CLK4: variants seen among roughly 807,000 people sequenced by gnomAD.
CLK4 encodes dual specificity protein kinase CLK4.
In CLK4, 37 loss-of-function variants were observed where a neutral mutation model predicts 64.4. That is an observed-to-expected ratio of 0.57 (90% CI 0.44 to 0.76). The LOEUF (loss-of-function observed/expected upper bound fraction) is 0.76. CLK4 is among the 30% of genes least tolerant of loss of function. The probability of loss-of-function intolerance (pLI) is 0.00; values close to 1 mark genes in which losing one functional copy is unlikely to be tolerated. For missense variants in CLK4, 457 were observed against 605.1 expected (o/e 0.76, Z 2.57); for synonymous variants, 175 against 191.6 (o/e 0.91, Z 0.72).
intron 8 of CLK4, 90 bp from the exon 9 acceptor site, chr5:178,612,635 T>C (rs1249955845): frequency 2.2e-6 from 3 of 1,379,410 alleles, no homozygotes; most frequent in East Asian, 2.3e-5. Context: ...ATCTTCTTGA[T>C]TGTCAAAGTA....
chr5:178,621,539 C>A (rs1170053193), intron 2 of CLK4, among the ~76,000 whole-genome samples: 1 of 152,082 alleles, frequency 6.6e-6, no homozygotes, highest in Non-Finnish European at 1.5e-5. Flanking sequence ...AATAAATAGG[C>A]TAAGAATAAA....
chr5:178,603,898 C>T lies in CLK4; in HGVS notation c.1251G>A (p.Trp417Ter). 1 of 1,610,160 alleles carries T rather than the reference C, an allele frequency of 6.2e-7. No homozygotes were observed. Among genetic ancestry groups the T allele is most frequent in the South Asian group, 1.1e-5 (1 of 89,946 alleles). Residue 417 changes from tryptophan to a stop codon, truncating the protein, a stop_gained, in exon 12 of 13, where the codon TGG (tryptophan) becomes TGA (stop). Coordinates refer to ENST00000316308, the MANE Select transcript of CLK4 (RefSeq NM_020666.3). LOFTEE classifies it high-confidence loss of function. Reference protein sequence around the residue: ...RKYFHHNQLDWDEHSSAGRYV... With the variant: ...RKYFHHNQLD ...ATCTACCAGCAGAACTGTGTTCATC[C>T]CAATCTAGCTGGTTATGGTGAAAAT... is the stretch of plus-strand genomic sequence containing the variant.
Position 178,623,344 on chromosome 5 carries a change from C to G in CLK4, c.73G>C (p.Gly25Arg). 6.2e-7 allele frequency: 1 copy of G among 1,614,046 alleles called. No individual in the cohort carries two copies. Among genetic ancestry groups the G allele is most frequent in the South Asian group, 1.1e-5 (1 of 91,072 alleles). ...RESWGHESYR[G>R]SHKRKRRSHS... is the part of the protein sequence containing the mutation. ...GATCTCCTCTTCCGCTTGTGACTTCCACGATAGCTTTCATGTCCCCAGCTT... is the reference window on the plus strand; with the variant it reads ...GATCTCCTCTTCCGCTTGTGACTTCGACGATAGCTTTCATGTCCCCAGCTT... Residue 25 changes from glycine to arginine, a missense_variant, in exon 2 of 13, where the codon GGA (glycine) becomes CGA (arginine). Gly to Arg is a moderately radical substitution (Grantham distance 125, BLOSUM62 -2). Coordinates refer to ENST00000316308, the MANE Select transcript of CLK4 (RefSeq NM_020666.3).
intron 5 of CLK4, 138 bp from the exon 6 acceptor site, chr5:178,613,981 C>T (rs1258052178): frequency 1.5e-5 from 9 of 592,078 alleles, no homozygotes; most frequent in African/African-American, 1.3e-4. Flanking sequence ...ATAGCAGATT[C>T]CATATAACAT....
chr5:178,625,422 C>CAAAAAA (rs58734641), intron 1 of CLK4, among the ~76,000 whole-genome samples: 15 of 121,516 alleles, frequency 1.2e-4, no homozygotes, highest in South Asian at 2.7e-4. Context: ...GACCCTGTCT[C>CAAAAAA]AAAAAAAAAA....
Position 178,616,518 on chromosome 5 carries a change from G to A in CLK4, c.542+364C>T, listed in dbSNP as rs377302955. On this transcript the variant is annotated intron_variant, in intron 5 of 12. Transcript: ENST00000316308. ...ATTTAAAATATATTCCATCTTGGCC[G>A]GGCACAGGGGCTCAGGCTTGTAATC... Among the ~76,000 whole-genome samples the A allele has an allele frequency of 2.4e-3, 361 of 152,200 alleles. 1 individual carries two copies. Among genetic ancestry groups the A allele is most frequent in the African/African-American group, 7.7e-3 (319 of 41,524 alleles).
chr5:178,613,375 C>A (rs903185413), intron 7 of CLK4, 98 bp downstream of exon 7: 1 of 804,096 alleles, frequency 1.2e-6, no homozygotes. Context: ...GACCCGAGAG[C>A]GCCACTGCAC....
rs761792500 is a variant in CLK4, at chr5:178,616,887, A to G, written c.537T>C (p.His179=). ...AAAGGAAAAAACAAACTTACATGCCATGATCAATGCACTCTACAACTTTGC... is the reference window on the plus strand; with the variant it reads ...AAAGGAAAAAACAAACTTACATGCCGTGATCAATGCACTCTACAACTTTGC... ...AFGKVVECID[H]GMDGMHVAVK... is the part of the protein sequence containing the mutation. The change falls in exon 5 of 13, where the codon CAT becomes CAC. Residue 179 remains histidine, a synonymous_variant. Transcript: ENST00000316308. 36 of 1,611,842 alleles carry G rather than the reference A, an allele frequency of 2.2e-5. No homozygotes were observed. The East Asian group carries it at 6.7e-4, about 30-fold the overall frequency.
chr5:178,622,143 A>G (rs1038155401), intron 2 of CLK4: 1 of 152,194 alleles, frequency 6.6e-6, no homozygotes, highest in African/African-American at 2.4e-5. Context: ...TAATTATCCT[A>G]TGAATAACCA....
intron 1 of CLK4, among the ~76,000 whole-genome samples, chr5:178,624,364 C>A (rs558522462): frequency 1.8e-4 from 27 of 152,298 alleles, no homozygotes; most frequent in African/African-American, 6.5e-4. Context: ...CCAACAAGTT[C>A]ATTTTCTTAT....
In CLK4 at chr5:178,622,439, T is replaced by TAAAC; in HGVS notation, c.161+813_161+816dup. 3 of 986,648 alleles carry TAAAC rather than the reference T, an allele frequency of 3.0e-6. No homozygotes were observed. The South Asian group carries it at 1.4e-4, about 46-fold the overall frequency. 61.1% of individuals were successfully genotyped at this position (986,648 alleles called of 1,614,324 possible). The stretch of plus-strand genomic sequence containing the variant: ...CTGGCTAATTTAGAAAGCAATCTGG[T>TAAAC]AAACAGTCCCAATGGAACATCTGCA... On this transcript the variant is annotated intron_variant, in intron 2 of 12. Transcript: ENST00000316308.
At chr5:178,620,425 T>C (rs1197372954) in intron 2 of CLK4, 1 of 260,398 alleles carries the variant, frequency 3.8e-6, no homozygotes, top group Admixed American at 4.8e-5. Context: ...AAACATGGAG[T>C]GAACACCATG....
At chr5:178,612,921 TCA>T (rs1361074412) in intron 7 of CLK4, 31 bp from the exon 8 acceptor site, 1 of 1,159,414 alleles carries the variant, frequency 8.6e-7, no homozygotes, top group Non-Finnish European at 1.3e-6. Context: ...ATTATTAGTT[TCA>T]CTTACAAACT....
At chr5:178,611,118 A>G (rs548545178) in intron 9 of CLK4, among the ~76,000 whole-genome samples, 1 of 152,036 alleles carries the variant, frequency 6.6e-6, no homozygotes, top group African/African-American at 2.4e-5. Flanking sequence ...TATTTTACTC[A>G]ATCTAGGATA....
intron 9 of CLK4, among the ~76,000 whole-genome samples, chr5:178,610,591 G>A (rs571804467): frequency 6.6e-6 from 1 of 152,128 alleles, no homozygotes; most frequent in East Asian, 1.9e-4. Flanking sequence ...ACTATCCCTT[G>A]CTTGGCCACA....
rs775635140 is a variant in CLK4, at chr5:178,603,720, A to G, written c.1343T>C (p.Leu448Pro). ...MLCHDEEHEK[L>P]FDLVRRMLEY... The stretch of plus-strand genomic sequence containing the variant: ...TAACATTCTTCGAACCAGGTCAAAC[A>G]GTTTCTCATGTTCTTCATCATGACA... The change falls in exon 13 of 13, where the codon CTG (leucine) becomes CCG (proline). Residue 448 changes from leucine (L) to proline (P), a missense_variant. By Grantham distance (98) the Leu-to-Pro change is moderately conservative. Coordinates refer to ENST00000316308, the MANE Select transcript of CLK4 (RefSeq NM_020666.3). 4 of 1,602,638 alleles carry G rather than the reference A, an allele frequency of 2.5e-6. No homozygotes were observed. Among genetic ancestry groups the G allele is most frequent in the Admixed American group, 1.8e-5 (1 of 56,854 alleles).
intron 8 of CLK4, 70 bp from the exon 9 acceptor site, chr5:178,612,615 CA>C: frequency 6.8e-7 from 1 of 1,472,282 alleles, no homozygotes; most frequent in African/African-American, 1.4e-5. Flanking sequence ...AAAAGGCCAG[CA>C]CATGAATTAT....
rs1224827329 is a variant in CLK4 at position 178,603,754 on chromosome 5, A to AT, written c.1308dup (p.Phe437IlefsTer6). The stretch of plus-strand genomic sequence containing the variant: ...TGTTCTTCATCATGACAAAGCATAA[A>AT]TTCCTGGGGGAGAAATGTTTTTGTT... On this transcript the variant is annotated frameshift_variant, in exon 13 of 13. Transcript: ENST00000316308. LOFTEE classifies it high-confidence loss of function. 3 of 1,585,372 alleles carry AT rather than the reference A, an allele frequency of 1.9e-6. No individual in the cohort carries two copies. The highest frequency in any genetic ancestry group is 2.6e-6 in the Non-Finnish European group (3 of 1,170,682).
chr5:178,607,123 TAA>T (rs35713579), intron 10 of CLK4, among the ~76,000 whole-genome samples: 11 of 139,446 alleles, frequency 7.9e-5, no homozygotes, highest in Admixed American at 1.4e-4. Context: ...AAAGAGACAT[TAA>T]AAAAAAAAAA....
Sources: allele counts gnomAD v4.1 joint callset (sites outside exome capture counted in the v4.1 genomes callset), GRCh38; gene constraint gnomAD v4.1.1; transcripts MANE v1.5; gene names NCBI Gene and HGNC (gene_info 2026-07-23, HGNC 2026-07-21).